Variants in PCLAF observed in about 807,000 individuals in gnomAD.
PCLAF encodes the protein PCNA-associated factor.
PCLAF carries 12 observed loss-of-function variants against 15.1 expected under a neutral mutation model. That is an observed-to-expected ratio of 0.79 (90% CI 0.51 to 1.29). The LOEUF is 1.29. Ranked by LOEUF, PCLAF falls within the 50% of genes most tolerant of loss-of-function variation. The pLI is 0.00. For synonymous variants in PCLAF, 33 were observed against 47.1 expected (o/e 0.70, Z 1.22); for missense variants, 116 against 130.9 (o/e 0.89, Z 0.56).
chr15:64,380,667 G>GC (rs1220005285), intron 2 of PCLAF, among the ~76,000 whole-genome samples: 1 of 152,002 alleles, frequency 6.6e-6, no homozygotes, highest in Non-Finnish European at 1.5e-5. Flanking sequence ...TTGCACCACT[G>GC]CACTCCAACC....
chr15:64,379,600 A>C (rs1437637752), intron 2 of PCLAF, among the ~76,000 whole-genome samples: 1 of 152,206 alleles, frequency 6.6e-6, no homozygotes, highest in Non-Finnish European at 1.5e-5. Context: ...AGAAATAGTA[A>C]ATGTTTTCTA....
intron 3 of PCLAF, among the ~76,000 whole-genome samples, chr15:64,366,818 C>G (rs1186036543): frequency 6.6e-6 from 1 of 151,978 alleles, no homozygotes; most frequent in South Asian, 2.1e-4. Context: ...ACTAAAAATA[C>G]AAAAATAGCC....
chr15:64,380,353 A>G (rs1407868305), intron 2 of PCLAF, among the ~76,000 whole-genome samples: 1 of 152,136 alleles, frequency 6.6e-6, no homozygotes, highest in Non-Finnish European at 1.5e-5. Context: ...GTTGCACTGC[A>G]GCCTGGGCAA....
intron 2 of PCLAF, among the ~76,000 whole-genome samples, chr15:64,377,295 C>T (rs1280489287): frequency 1.3e-5 from 2 of 149,652 alleles, no homozygotes; most frequent in African/African-American, 4.9e-5. Context: ...GTGAAACCCC[C>T]GTCTCTACTA....
chr15:64,375,159 C>G (rs746866599), intron 3 of PCLAF, among the ~76,000 whole-genome samples: 1 of 152,040 alleles, frequency 6.6e-6, no homozygotes, highest in Non-Finnish European at 1.5e-5. Context: ...GAGTCTCGCT[C>G]TGTCCCCCAG....
upstream of PCLAF, among the ~76,000 whole-genome samples, chr15:64,386,273 AATG>A (rs1899933692): frequency 1.3e-5 from 2 of 152,016 alleles, no homozygotes; most frequent in Non-Finnish European, 2.9e-5. Flanking sequence ...TTTCCAAATT[AATG>A]ATATCTACGA....
intron 3 of PCLAF, among the ~76,000 whole-genome samples, chr15:64,370,534 A>ATT: frequency 6.6e-6 from 1 of 151,494 alleles, no homozygotes; most frequent in Non-Finnish European, 1.5e-5. Flanking sequence ...AGCCCAGCTA[A>ATT]TTTTTGTATT....
chr15:64,365,980 G>T lies in PCLAF; in HGVS notation c.*50C>A, dbSNP rs781411931. ...CACATTTATGTAAATTTACATTCTA[G>T]AATACCAGGGTAAACAAGGAGACGT... On this transcript the variant is annotated 3_prime_UTR_variant, in exon 4 of 4. Coordinates refer to ENST00000300035, the MANE Select transcript of PCLAF (RefSeq NM_014736.6). 2 of 1,403,390 alleles carry T rather than the reference G, an allele frequency of 1.4e-6. No homozygotes were observed. The highest frequency in any genetic ancestry group is 1.2e-5 in the South Asian group (1 of 84,158). 86.9% of individuals were successfully genotyped at this position (1,403,390 alleles called of 1,614,324 possible). A position where few individuals can be genotyped will look rare whatever the true frequency, so the allele number is the denominator to read the frequency against.
intron 1 of PCLAF, among the ~76,000 whole-genome samples, chr15:64,387,174 T>C (rs1025763438): frequency 2.0e-5 from 3 of 151,824 alleles, no homozygotes; most frequent in African/African-American, 7.3e-5. Flanking sequence ...GTATTAAAAA[T>C]AAACACTCCA....
chr15:64,374,045 T>G lies in PCLAF; in HGVS notation c.290+2698A>C, dbSNP rs545910798. On this transcript the variant is annotated intron_variant, in intron 3 of 3. Coordinates refer to ENST00000300035, the MANE Select transcript of PCLAF (RefSeq NM_014736.6). ...TCTTAAAAGTGATGCAAATTTTTTG[T>G]TAAAAGTTGTTAGCACAGGGTATGA... Among the ~76,000 whole-genome samples, 9 of 152,298 alleles carry G rather than the reference T, an allele frequency of 5.9e-5. No homozygotes were observed. In the South Asian group the frequency reaches 1.7e-3, roughly 28 times the overall value.
At chr15:64,375,317 G>A (rs1174655808) in intron 3 of PCLAF, among the ~76,000 whole-genome samples, 1 of 151,980 alleles carries the variant, frequency 6.6e-6, no homozygotes, top group East Asian at 1.9e-4. Flanking sequence ...GTAGAGACGG[G>A]GTTTCACCAT....
At chr15:64,386,361 C>A (rs1899936772), upstream of PCLAF, among the ~76,000 whole-genome samples, 1 of 152,124 alleles carries the variant, frequency 6.6e-6, no homozygotes, top group Non-Finnish European at 1.5e-5. Flanking sequence ...TGCTCTGTCG[C>A]CCAGGCTGGA....
intron 2 of PCLAF, among the ~76,000 whole-genome samples, 176 bp downstream of exon 2, chr15:64,380,782 A>G (rs1474604260): frequency 6.6e-6 from 1 of 152,066 alleles, no homozygotes. Flanking sequence ...ATTCCCTTCC[A>G]TGAGACCTCC....
At chr15:64,379,674 G>A (rs1375225463) in intron 2 of PCLAF, among the ~76,000 whole-genome samples, 1 of 152,124 alleles carries the variant, frequency 6.6e-6, no homozygotes, top group Non-Finnish European at 1.5e-5. Context: ...CCTAAACAGT[G>A]TTCACCTTTA....
Position 64,364,443 on chromosome 15 carries a change from C to A in PCLAF, c.*1587G>T, listed in dbSNP as rs1013832555. ...ATTATACCCACTTCTTCAATTATAC[C>A]TCTGGTTATGTTGAAAAATGTCATA... On this transcript the variant is annotated 3_prime_UTR_variant, in exon 4 of 4. Transcript: ENST00000300035. 2 of 152,080 alleles carry A rather than the reference C, an allele frequency of 1.3e-5. No homozygotes were observed. Among genetic ancestry groups the A allele is most frequent in the African/African-American group, 4.8e-5 (2 of 41,402 alleles). The allele number at this position is 152,080 out of a possible 1,614,324, so 9.4% of individuals were successfully genotyped here. A position where few individuals can be genotyped will look rare whatever the true frequency, so the allele number is the denominator to read the frequency against.
At chr15:64,386,084 C>T (rs1899929675), upstream of PCLAF, among the ~76,000 whole-genome samples, 2 of 152,068 alleles carry the variant, frequency 1.3e-5, no homozygotes, top group Admixed American at 1.3e-4. Context: ...GGTTCTGTCT[C>T]TGGAGAACCC....
At chr15:64,376,710 A>G (rs763240951) in intron 3 of PCLAF, 33 bp downstream of exon 3, 1 of 1,572,508 alleles carries the variant, frequency 6.4e-7, no homozygotes, top group Non-Finnish European at 8.7e-7. Context: ...TGAGATAAAT[A>G]TTTTCTTTAT....
chr15:64,366,186 G>A (rs773774774), intron 3 of PCLAF, 111 bp from the exon 4 acceptor site: 1 of 611,496 alleles, frequency 1.6e-6, no homozygotes, highest in South Asian at 2.9e-5. Context: ...AGTAGATCTG[G>A]TCTAATGACT....
upstream of PCLAF, among the ~76,000 whole-genome samples, chr15:64,385,587 T>C (rs1899917501): frequency 1.3e-5 from 2 of 150,848 alleles, no homozygotes; most frequent in Admixed American, 1.3e-4. Context: ...ATTGCACTAT[T>C]GCACTCCAGC....
Sources: allele counts gnomAD v4.1 joint callset (sites outside exome capture counted in the v4.1 genomes callset), GRCh38; gene constraint gnomAD v4.1.1; transcripts MANE v1.5; gene names NCBI Gene and HGNC (gene_info 2026-07-23, HGNC 2026-07-21).